Variants in PDZD2 observed in about 807,000 individuals in gnomAD.
The protein encoded by PDZD2 is PDZ domain containing 2, also known as PDZ domain-containing protein 2.
In PDZD2, 90 loss-of-function variants were observed where a neutral mutation model predicts 220.7. The ratio of observed to expected loss-of-function variants is 0.41; its 90% CI spans 0.34 to 0.49. PDZD2 has a LOEUF of 0.49. Ranked by LOEUF, PDZD2 falls within the 20% of genes least tolerant of loss-of-function variation. The pLI is 0.28. For missense variants in PDZD2, 3,174 were observed against 3,608.5 expected, an observed-to-expected ratio of 0.88 and a Z score of 3.08; for synonymous variants, 1,375 against 1,450.5, an observed-to-expected ratio of 0.95 and a Z score of 1.18.
At chr5:31,662,880 G>C (rs534399105) in intron 1 of PDZD2, among the ~76,000 whole-genome samples, 3 of 152,154 alleles carry the variant, frequency 2.0e-5, no homozygotes, top group Non-Finnish European at 4.4e-5. Context: ...TCCACCCGCT[G>C]TGGCCTCCCA....
At chr5:32,016,557 T>C (rs1455103534) in intron 6 of PDZD2, among the ~76,000 whole-genome samples, 1 of 152,182 alleles carries the variant, frequency 6.6e-6, no homozygotes, top group Non-Finnish European at 1.5e-5. Flanking sequence ...TCTGCATCTA[T>C]GGGGAGCGCA....
intron 2 of PDZD2, among the ~76,000 whole-genome samples, chr5:31,969,816 G>A (rs1266982716): frequency 6.6e-6 from 1 of 151,982 alleles, no homozygotes; most frequent in African/African-American, 2.4e-5. Flanking sequence ...GTTTTTAATG[G>A]ATCTTTTCAT....
At chr5:31,710,903 C>T (rs565127025) in intron 1 of PDZD2, among the ~76,000 whole-genome samples, 1 of 151,676 alleles carries the variant, frequency 6.6e-6, no homozygotes, top group South Asian at 2.1e-4. Context: ...ATTTGCAAAG[C>T]ACCTAGTACA....
intron 1 of PDZD2, chr5:31,725,421 C>A: frequency 8.3e-6 from 9 of 1,081,954 alleles, no homozygotes; most frequent in South Asian, 5.7e-5. Flanking sequence ...GGAAAACTAA[C>A]AAGTGTTTTT....
Position 32,109,225 on chromosome 5 carries a change from CCAA to C in PDZD2, c.*1093_*1095del, listed in dbSNP as rs1745125486. 1 of 152,186 alleles carries C rather than the reference CCAA, an allele frequency of 6.6e-6. No homozygotes were observed. Among genetic ancestry groups the C allele is most frequent in the Non-Finnish European group, 1.5e-5 (1 of 68,034 alleles). 9.4% of individuals were successfully genotyped at this position (152,186 alleles called of 1,614,324 possible). A position where few individuals can be genotyped will look rare whatever the true frequency, so the allele number is the denominator to read the frequency against. On this transcript the variant is annotated 3_prime_UTR_variant, in exon 25 of 25. Coordinates refer to ENST00000438447, the MANE Select transcript of PDZD2 (RefSeq NM_178140.4). ...ACTGGTTGGTTTTTTTCCCTCTTTCCCAACATGTTTAAGAAATGTAACATTCTA... is the reference window on the plus strand; with the variant it reads ...ACTGGTTGGTTTTTTTCCCTCTTTCCCATGTTTAAGAAATGTAACATTCTA...
At chr5:31,784,291 G>T (rs892252751) in intron 1 of PDZD2, among the ~76,000 whole-genome samples, 2 of 152,172 alleles carry the variant, frequency 1.3e-5, no homozygotes, top group African/African-American at 4.8e-5. Context: ...CAATAGTGAG[G>T]TCCCTTCTTC....
At chr5:31,790,596 G>GT (rs1381781164) in intron 1 of PDZD2, among the ~76,000 whole-genome samples, 7 of 149,302 alleles carry the variant, frequency 4.7e-5, no homozygotes, top group Admixed American at 4.0e-4. Flanking sequence ...CAGGGCTGGA[G>GT]TTTTTTTTAA....
chr5:31,807,244 A>C (rs1754786628), intron 2 of PDZD2, among the ~76,000 whole-genome samples: 1 of 152,076 alleles, frequency 6.6e-6, no homozygotes, highest in African/African-American at 2.4e-5. Flanking sequence ...CCATCTTTGT[A>C]CAGTAATAAA....
chr5:32,019,102 C>T (rs1209997258), intron 6 of PDZD2, among the ~76,000 whole-genome samples: 1 of 146,956 alleles, frequency 6.8e-6, no homozygotes, highest in East Asian at 2.0e-4. Context: ...GTTTGCAGTT[C>T]TCTAAGTAAA....
chr5:31,983,719 C>T, intron 3 of PDZD2, 63 bp downstream of exon 3: 1 of 1,478,962 alleles, frequency 6.8e-7, no homozygotes, highest in Non-Finnish European at 9.2e-7. Context: ...TTTGTTTTTG[C>T]AGCCCAGCCC....
At chr5:32,084,496 C>T (rs1406606040) in intron 19 of PDZD2, among the ~76,000 whole-genome samples, 1 of 152,180 alleles carries the variant, frequency 6.6e-6, no homozygotes, top group Non-Finnish European at 1.5e-5. Context: ...TATTGGAAAA[C>T]CTCTTAGCAC....
chr5:31,669,036 A>G (rs1397386926), intron 1 of PDZD2, among the ~76,000 whole-genome samples: 1 of 152,154 alleles, frequency 6.6e-6, no homozygotes, highest in Admixed American at 6.5e-5. Flanking sequence ...CCCAGGGGAC[A>G]CTGGCAATGT....
chr5:32,078,400 G>T (rs994588534), intron 19 of PDZD2, among the ~76,000 whole-genome samples: 14 of 152,080 alleles, frequency 9.2e-5, no homozygotes, highest in African/African-American at 3.4e-4. Flanking sequence ...GGGAAGCTGA[G>T]GCAAGTAGAT....
chr5:31,951,347 G>C (rs1747165390), intron 2 of PDZD2, among the ~76,000 whole-genome samples: 1 of 152,136 alleles, frequency 6.6e-6, no homozygotes, highest in South Asian at 2.1e-4. Flanking sequence ...GATCTACAGG[G>C]TTGAGCCACT....
intron 2 of PDZD2, among the ~76,000 whole-genome samples, chr5:31,919,148 T>C (rs1743949311): frequency 6.6e-6 from 1 of 152,214 alleles, no homozygotes; most frequent in African/African-American, 2.4e-5. Flanking sequence ...AGAGTCGCTG[T>C]AACCACAGCT....
intron 24 of PDZD2, among the ~76,000 whole-genome samples, chr5:32,105,890 G>A (rs920643532): frequency 2.6e-5 from 4 of 152,176 alleles, no homozygotes; most frequent in African/African-American, 9.7e-5. Flanking sequence ...TTTCTCTCTT[G>A]TGTAAAAAGT....
At chr5:31,898,195 G>C (rs887984831) in intron 2 of PDZD2, among the ~76,000 whole-genome samples, 1 of 152,230 alleles carries the variant, frequency 6.6e-6, no homozygotes, top group African/African-American at 2.4e-5. Flanking sequence ...GAGCTGGCTT[G>C]CTTCAAATCT....
Position 31,983,721 on chromosome 5 carries a change from G to T in PDZD2, c.978+65G>T, listed in dbSNP as rs570017837. 35 of 1,483,620 alleles carry T rather than the reference G, an allele frequency of 2.4e-5. No homozygotes were observed. In the African/African-American group the frequency reaches 4.7e-4, roughly 20 times the overall value. The allele number at this position is 1,483,620 out of a possible 1,614,324, so 91.9% of individuals were successfully genotyped here. ...TCGTGTGTGTTTGTTTGTTTTTGCA[G>T]CCCAGCCCATGCGGGAAATACAAGC... On this transcript the variant is annotated intron_variant, in intron 3 of 24. Coordinates refer to ENST00000438447, the MANE Select transcript of PDZD2 (RefSeq NM_178140.4).
intron 1 of PDZD2, among the ~76,000 whole-genome samples, chr5:31,718,697 T>A (rs1351643305): frequency 7.6e-6 from 1 of 132,206 alleles, no homozygotes; most frequent in Non-Finnish European, 1.6e-5. Context: ...CAGCCTCATT[T>A]TTTTTTTTTT....
Sources: allele counts gnomAD v4.1 joint callset (sites outside exome capture counted in the v4.1 genomes callset), GRCh38; gene constraint gnomAD v4.1.1; transcripts MANE v1.5; gene names NCBI Gene and HGNC (gene_info 2026-07-23, HGNC 2026-07-21).